Variants in USH2A observed in about 807,000 individuals in gnomAD.
USH2A encodes Usher syndrome 2A (autosomal recessive, mild).
Under a neutral mutation model 538.9 loss-of-function variants are expected in USH2A, and 443 were observed. That is an observed-to-expected ratio of 0.82 (90% CI 0.76 to 0.89). The LOEUF (loss-of-function observed/expected upper bound fraction) is 0.89. USH2A is among the 40% of genes least tolerant of loss of function. The probability of loss-of-function intolerance (pLI) is 0.00; values close to 1 mark genes in which losing one functional copy is unlikely to be tolerated. For synonymous variants in USH2A, 2,413 were observed against 2,273.5 expected, an observed-to-expected ratio of 1.06 and a Z score of -1.75; for missense variants, 6,633 against 6,324.8, an observed-to-expected ratio of 1.05 and a Z score of -1.65.
Position 215,788,454 on chromosome 1 carries a change from G to A in USH2A, c.10183-1580C>T, listed in dbSNP as rs114618249. Among the ~76,000 whole-genome samples the A allele has an allele frequency of 1.5e-3, 221 of 152,160 alleles. 3 individuals are homozygous for A. Among genetic ancestry groups the A allele is most frequent in the African/African-American group, 5.2e-3 (215 of 41,492 alleles). ...AGCATCACAAGATGTAAGGGGCTTC[G>A]GTTCTAGAGATGTTACTTGGAAGAC... is the stretch of plus-strand genomic sequence containing the variant. On this transcript the variant is annotated intron_variant, in intron 51 of 71. Coordinates refer to ENST00000307340, the MANE Select transcript of USH2A (RefSeq NM_206933.4).
chr1:216,288,909 T>C (rs1382229204), intron 11 of USH2A, among the ~76,000 whole-genome samples: 1 of 152,212 alleles, frequency 6.6e-6, no homozygotes, highest in East Asian at 1.9e-4. Flanking sequence ...GTAAGTGACT[T>C]TTGCTATATG....
chr1:216,235,806 C>T (rs2035799325), intron 13 of USH2A, among the ~76,000 whole-genome samples: 2 of 152,110 alleles, frequency 1.3e-5, no homozygotes, highest in Admixed American at 1.3e-4. Context: ...GGGCTAAGCA[C>T]TAATTGTAAG....
intron 38 of USH2A, among the ~76,000 whole-genome samples, chr1:215,927,263 C>T (rs1197460157): frequency 6.6e-6 from 1 of 151,988 alleles, no homozygotes; most frequent in African/African-American, 2.4e-5. Flanking sequence ...ATTACAAAAG[C>T]CTGAAAAATT....
intron 67 of USH2A, among the ~76,000 whole-genome samples, chr1:215,644,646 T>C (rs1185011513): frequency 6.6e-6 from 1 of 152,188 alleles, no homozygotes; most frequent in Non-Finnish European, 1.5e-5. Context: ...GAAAGTTCAG[T>C]TGCGTTGAAT....
chr1:216,152,238 G>A (rs1424577604), intron 21 of USH2A, among the ~76,000 whole-genome samples: 4 of 152,148 alleles, frequency 2.6e-5, no homozygotes, highest in African/African-American at 4.8e-5. Context: ...CCAAGCCATC[G>A]CATCCCCTGT....
intron 55 of USH2A, among the ~76,000 whole-genome samples, chr1:215,767,905 T>C (rs1661176567): frequency 6.6e-6 from 1 of 152,162 alleles, no homozygotes; most frequent in African/African-American, 2.4e-5. Flanking sequence ...CAAAGCTCTC[T>C]TTGAGAAAAA....
In USH2A at chr1:215,948,466, G is replaced by A. The variant is rs996051849; in HGVS notation, c.7121-13671C>T. On this transcript the variant is annotated intron_variant, in intron 37 of 71. Transcript: ENST00000307340. ...TATACACACACACACACACACACAC[G>A]TATATATGGACATACATCTATACAT... Among the ~76,000 whole-genome samples, 7 of 142,246 alleles carry A rather than the reference G, an allele frequency of 4.9e-5. No homozygotes were observed. In the South Asian group the frequency reaches 9.0e-4, roughly 18 times the overall value. The allele number at this position is 142,246 out of a possible 152,430, so 93.3% of individuals were successfully genotyped here. A position where few individuals can be genotyped will look rare whatever the true frequency, so the allele number is the denominator to read the frequency against.
In USH2A at chr1:215,786,868, T is replaced by C. The variant is rs777959748; in HGVS notation, c.10189A>G (p.Lys3397Glu). 13 of 1,613,726 alleles carry C rather than the reference T, an allele frequency of 8.1e-6. No homozygotes were observed. The highest frequency in any genetic ancestry group is 1.3e-5 in the African/African-American group (1 of 74,904). Residue 3397 changes from lysine (K) to glutamate (E), a missense_variant, in exon 52 of 72, where the codon AAA becomes GAA. By Grantham distance (56) the Lys-to-Glu change is moderately conservative (BLOSUM62 1). Transcript: ENST00000307340. ...ISTGMMMKETKECRILCPASM... is the reference protein window; with the variant it reads ...ISTGMMMKETEECRILCPASM... Reference sequence around the variant, plus strand: ...GCTGGGCAGAGGATCCTGCACTCTTTGGTTTCCTGAGTCAAGTGGCAGGGG... The same window carrying C: ...GCTGGGCAGAGGATCCTGCACTCTTCGGTTTCCTGAGTCAAGTGGCAGGGG...
chr1:215,995,253 T>A (rs1668107398), intron 34 of USH2A, among the ~76,000 whole-genome samples: 1 of 152,226 alleles, frequency 6.6e-6, no homozygotes, highest in Non-Finnish European at 1.5e-5. Flanking sequence ...CTGTTTCATC[T>A]ACTATGTCAT....
At chr1:215,868,798 T>C (rs1664550043) in intron 43 of USH2A, among the ~76,000 whole-genome samples, 1 of 152,026 alleles carries the variant, frequency 6.6e-6, no homozygotes, top group South Asian at 2.1e-4. Flanking sequence ...GAAATTGGAG[T>C]TATGCTGTCA....
chr1:216,157,521 T>C (rs1231493128), intron 21 of USH2A, among the ~76,000 whole-genome samples: 1 of 152,178 alleles, frequency 6.6e-6, no homozygotes, highest in Non-Finnish European at 1.5e-5. Flanking sequence ...CACTCATATG[T>C]TCATTGCTAC....
intron 30 of USH2A, among the ~76,000 whole-genome samples, chr1:216,059,154 T>C (rs915075640): frequency 6.6e-6 from 1 of 152,178 alleles, no homozygotes; most frequent in Non-Finnish European, 1.5e-5. Flanking sequence ...TTATATAATA[T>C]ATGAACGTAC....
intron 30 of USH2A, among the ~76,000 whole-genome samples, chr1:216,055,874 C>T (rs1456212541): frequency 6.6e-6 from 1 of 152,202 alleles, no homozygotes; most frequent in Admixed American, 6.5e-5. Context: ...ATTTTTCTTA[C>T]ATTTAATTTC....
In USH2A at chr1:215,995,659, A is replaced by G. The variant is rs559587179; in HGVS notation, c.6658-2492T>C. Reference sequence around the variant, plus strand: ...AACAAAATAGTGGGGTTGATTAAAAATGCCTTTATGAAATAGCAAGGTCTT... The same window carrying G: ...AACAAAATAGTGGGGTTGATTAAAAGTGCCTTTATGAAATAGCAAGGTCTT... On this transcript the variant is annotated intron_variant, in intron 34 of 71. Coordinates refer to ENST00000307340, the MANE Select transcript of USH2A (RefSeq NM_206933.4). 3.3e-5 allele frequency among the ~76,000 whole-genome samples: 5 copies of G among 152,286 alleles called. No individual in the cohort carries two copies. In the South Asian group the frequency reaches 8.3e-4, roughly 25 times the overall value.
At chr1:216,061,910 T>C (rs941389967) in intron 30 of USH2A, among the ~76,000 whole-genome samples, 9 of 152,200 alleles carry the variant, frequency 5.9e-5, no homozygotes, top group African/African-American at 2.2e-4. Flanking sequence ...GCTGCGCGGC[T>C]AATGCAAACT....
chr1:215,646,714 A>G (rs990975339), intron 67 of USH2A, among the ~76,000 whole-genome samples: 2 of 152,086 alleles, frequency 1.3e-5, no homozygotes, highest in Non-Finnish European at 2.9e-5. Context: ...TTTAGTAGAG[A>G]TGGGGTTTCA....
rs1235863801 is a variant in USH2A, at chr1:215,741,386, GTAGT to G, written c.11696_11699del (p.Asn3899ThrfsTer33). 6.2e-7 allele frequency: 1 copy of G among 1,613,892 alleles called. No individual in the cohort carries two copies. Among genetic ancestry groups the G allele is most frequent in the South Asian group, 1.1e-5 (1 of 91,084 alleles). On this transcript the variant is annotated frameshift_variant, in exon 60 of 72. Coordinates refer to ENST00000307340, the MANE Select transcript of USH2A (RefSeq NM_206933.4). LOFTEE classifies it high-confidence loss of function. ...ACAGCCAATCTTACCTGTAAATAAA[GTAGT>G]TGATGATGATTCCATTTGGTTTTTC...
In USH2A at chr1:216,070,165, G is replaced by A; in HGVS notation, c.5985C>T (p.Asp1995=). ...AGGGCATGCGGGGTGGACGGGTGCT[G>A]TCCTCACTATAGGCTTTCAGAATGT... The part of the protein sequence containing the change: ...EKYILKAYSE[D]STRPPRMPSA... The change falls in exon 30 of 72, where the codon GAC becomes GAT. Residue 1995 remains aspartate, a synonymous_variant. Transcript: ENST00000307340. 1.2e-6 allele frequency: 2 copies of A among 1,614,012 alleles called. No individual in the cohort carries two copies. Among genetic ancestry groups the A allele is most frequent in the Non-Finnish European group, 1.7e-6 (2 of 1,179,952 alleles).
chr1:215,753,939 G>T (rs1210266900), intron 58 of USH2A, among the ~76,000 whole-genome samples: 1 of 152,304 alleles, frequency 6.6e-6, no homozygotes, highest in East Asian at 1.9e-4. Flanking sequence ...AAATCTGAGA[G>T]ACTTTGGTCA....
Sources: allele counts gnomAD v4.1 joint callset (sites outside exome capture counted in the v4.1 genomes callset), GRCh38; gene constraint gnomAD v4.1.1; transcripts MANE v1.5; gene names NCBI Gene and HGNC (gene_info 2026-07-23, HGNC 2026-07-21).